TMEM266: variants seen among roughly 807,000 people sequenced by gnomAD.
TMEM266 encodes transmembrane protein 266.
TMEM266 carries 33 observed loss-of-function variants against 50.5 expected under a neutral mutation model. The ratio of observed to expected loss-of-function variants is 0.65; its 90% confidence interval spans 0.50 to 0.87. The LOEUF (loss-of-function observed/expected upper bound fraction) is 0.87. Among genes scored for constraint, TMEM266 ranks in the 40% least tolerant of loss-of-function variants. TMEM266 has a pLI of 0.00. For missense variants in TMEM266, 655 were observed against 695.1 expected, an observed-to-expected ratio of 0.94 and a Z score of 0.65; for synonymous variants, 310 against 292.3, an observed-to-expected ratio of 1.06 and a Z score of -0.62.
rs1453442230 is a variant in TMEM266, at chr15:76,164,556, A to G, written c.456+4388A>G. 2.6e-5 allele frequency among the ~76,000 whole-genome samples: 4 copies of G among 152,288 alleles called. No individual in the cohort carries two copies. In the South Asian group the frequency reaches 8.3e-4, roughly 32 times the overall value. On this transcript the variant is annotated intron_variant, in intron 5 of 10. Coordinates refer to ENST00000388942, the MANE Select transcript of TMEM266 (RefSeq NM_152335.3). ...TGTGAGACTGGTGACAGTGTCAGCTACCACACAGATCTTCACATTTCTTAC... is the reference window on the plus strand; with the variant it reads ...TGTGAGACTGGTGACAGTGTCAGCTGCCACACAGATCTTCACATTTCTTAC...
rs182449033 is a variant in TMEM266 at position 76,184,668 on chromosome 15, T to C, written c.769-7300T>C. 1.6e-4 allele frequency among the ~76,000 whole-genome samples: 25 copies of C among 152,274 alleles called. 1 individual carries two copies. Among genetic ancestry groups the C allele is most frequent in the Middle Eastern group, 3.4e-3 (1 of 294 alleles). On this transcript the variant is annotated intron_variant, in intron 8 of 10. Transcript: ENST00000388942. The stretch of plus-strand genomic sequence containing the variant: ...TTGATCAGGACAAGGCCCGTGTCAA[T>C]TGGACTCCACAACCGGACCATTAAA...
At chr15:76,081,951 C>G (rs1022639658) in intron 1 of TMEM266, among the ~76,000 whole-genome samples, 1 of 152,196 alleles carries the variant, frequency 6.6e-6, no homozygotes, top group Non-Finnish European at 1.5e-5. Context: ...ACCCTTTTCT[C>G]TTACCTCAAA....
At chr15:76,106,742 A>G (rs1567153010) in intron 1 of TMEM266, among the ~76,000 whole-genome samples, 1 of 152,340 alleles carries the variant, frequency 6.6e-6, no homozygotes, top group East Asian at 1.9e-4. Flanking sequence ...CACCATGACC[A>G]GCCTACAACA....
chr15:76,158,763 C>T (rs1360777229), intron 4 of TMEM266, among the ~76,000 whole-genome samples: 1 of 152,208 alleles, frequency 6.6e-6, no homozygotes, highest in East Asian at 1.9e-4. Context: ...GGGCCTCAGC[C>T]TCTTCGTTCC....
intron 1 of TMEM266, among the ~76,000 whole-genome samples, chr15:76,089,173 C>T (rs1006298786): frequency 2.0e-5 from 3 of 149,516 alleles, no homozygotes; most frequent in South Asian, 2.1e-4. Context: ...GAGCAGGGGC[C>T]GTGATCTTCA....
At chr15:76,080,337 C>T (rs1596089764) in intron 1 of TMEM266, among the ~76,000 whole-genome samples, 1 of 994 alleles carries the variant, frequency 1.0e-3, no homozygotes, top group East Asian at 0.019. Context: ...ACTGCAACCT[C>T]TGCCTCCTTG....
At chr15:76,111,877 A>C (rs1174692112) in intron 1 of TMEM266, 1 of 152,286 alleles carries the variant, frequency 6.6e-6, no homozygotes, top group Non-Finnish European at 1.5e-5. Context: ...GGAAGTAACC[A>C]ACATGTTCTT....
intron 5 of TMEM266, among the ~76,000 whole-genome samples, chr15:76,162,199 CA>C (rs2038028377): frequency 6.6e-6 from 1 of 152,084 alleles, no homozygotes; most frequent in South Asian, 2.1e-4. Context: ...TTGACCTTGT[CA>C]AAGATGGTGA....
chr15:76,190,860 C>T (rs904298194), intron 8 of TMEM266, among the ~76,000 whole-genome samples: 6 of 152,130 alleles, frequency 3.9e-5, no homozygotes, highest in Non-Finnish European at 7.4e-5. Context: ...GCAGGGCGCC[C>T]GGGCGTGGTA....
chr15:76,072,015 A>G (rs2036546208), intron 1 of TMEM266, among the ~76,000 whole-genome samples: 1 of 152,184 alleles, frequency 6.6e-6, no homozygotes, highest in African/African-American at 2.4e-5. Context: ...GGGGCAGGGA[A>G]GAGAGAGCCA....
intron 1 of TMEM266, among the ~76,000 whole-genome samples, chr15:76,129,701 C>T (rs2037476193): frequency 6.6e-6 from 1 of 151,834 alleles, no homozygotes; most frequent in Admixed American, 6.6e-5. Context: ...ATATAATCAC[C>T]ATAATCCAGA....
At chr15:76,069,486 A>C (rs1335037937) in intron 1 of TMEM266, among the ~76,000 whole-genome samples, 1 of 152,200 alleles carries the variant, frequency 6.6e-6, no homozygotes, top group Admixed American at 6.5e-5. Flanking sequence ...TTAAGAGCTC[A>C]AGGTACCAAC....
intron 1 of TMEM266, chr15:76,109,003 C>T (rs1446836455): frequency 6.6e-6 from 1 of 152,198 alleles, no homozygotes; most frequent in East Asian, 1.9e-4. Flanking sequence ...ATCTTACTCT[C>T]CTGTGTATCT....
chr15:76,113,908 CA>C (rs1455826011), intron 1 of TMEM266: 78 of 133,958 alleles, frequency 5.8e-4, no homozygotes, highest in Non-Finnish European at 6.6e-4. Context: ...GACTCCGACT[CA>C]AAAAAAAAAA....
At chr15:76,166,922 T>G (rs2038105869) in intron 5 of TMEM266, among the ~76,000 whole-genome samples, 1 of 152,176 alleles carries the variant, frequency 6.6e-6, no homozygotes, top group Non-Finnish European at 1.5e-5. Context: ...TCAAAATTGT[T>G]AAGATGGTGT....
rs551145027 is a variant in TMEM266, at chr15:76,203,725, CCCT to C, written c.1022-12_1022-10del. On this transcript the variant is annotated splice_polypyrimidine_tract_variant and intron_variant, in intron 10 of 10. Transcript: ENST00000388942. ...CAGAGGTTGAAGTGTGACCAAGATCCCCTCCTACCTTGCAGACAGCGGTGTCCC... is the reference window on the plus strand; with the variant it reads ...CAGAGGTTGAAGTGTGACCAAGATCCCCTACCTTGCAGACAGCGGTGTCCC... 9.6e-5 allele frequency: 154 copies of C among 1,603,114 alleles called. No individual in the cohort carries two copies. The African/African-American group carries it at 1.7e-3, about 18-fold the overall frequency.
intron 1 of TMEM266, among the ~76,000 whole-genome samples, chr15:76,120,630 A>G (rs944612006): frequency 6.6e-6 from 1 of 151,774 alleles, no homozygotes; most frequent in South Asian, 2.1e-4. Context: ...GCGTGGTAGC[A>G]TGCCCCTGTG....
At chr15:76,066,095 T>C (rs913802396) in intron 1 of TMEM266, among the ~76,000 whole-genome samples, 1 of 152,218 alleles carries the variant, frequency 6.6e-6, no homozygotes, top group African/African-American at 2.4e-5. Context: ...TTTATACTTT[T>C]AAAAAATATC....
intron 1 of TMEM266, among the ~76,000 whole-genome samples, chr15:76,130,977 T>C (rs2142026973): frequency 6.6e-6 from 1 of 152,316 alleles, no homozygotes; most frequent in South Asian, 2.1e-4. Flanking sequence ...AGTTTGGAGT[T>C]TTGTATTTTT....
Sources: gnomAD v4.1 joint callset for allele counts (sites outside exome capture counted in the v4.1 genomes callset) on GRCh38, gnomAD v4.1.1 for gene constraint, MANE v1.5 for transcripts, NCBI Gene and HGNC (gene_info 2026-07-23, HGNC 2026-07-21) for gene names.